BMPR1B: variants seen among roughly 807,000 people sequenced by gnomAD.
BMPR1B encodes bone morphogenetic protein receptor type-1B.
A neutral mutation model predicts 59.1 loss-of-function variants in BMPR1B; 12 were observed. That is an observed-to-expected ratio of 0.20 (90% CI 0.13 to 0.33). The LOEUF (loss-of-function observed/expected upper bound fraction) is 0.33, where lower values mean the gene tolerates loss of function less well. BMPR1B is among the 10% of genes least tolerant of loss of function. BMPR1B has a pLI of 1.00. For missense variants in BMPR1B, 550 were observed against 610.9 expected (o/e 0.90, Z 1.05); for synonymous variants, 237 against 207.3 (o/e 1.14, Z -1.23).
intron 2 of BMPR1B, among the ~76,000 whole-genome samples, chr4:94,908,061 T>TA (rs571793477): frequency 0.011 from 529 of 46,196 alleles, 20 homozygotes; most frequent in East Asian, 0.048. Context: ...ACCCTGTCTT[T>TA]AAAAAAAAAA....
At chr4:94,953,688 A>AT in intron 2 of BMPR1B, among the ~76,000 whole-genome samples, 1 of 150,878 alleles carries the variant, frequency 6.6e-6, no homozygotes, top group East Asian at 2.0e-4. Flanking sequence ...TGCCTTTAAC[A>AT]TTTTTTCCTT....
chr4:95,142,832 A>G (rs1734346296), intron 10 of BMPR1B, among the ~76,000 whole-genome samples: 1 of 148,140 alleles, frequency 6.8e-6, no homozygotes, highest in Non-Finnish European at 1.5e-5. Flanking sequence ...TTTTTTTAAC[A>G]TAACACTTTT....
At chr4:94,914,119 A>G (rs1331030876) in intron 2 of BMPR1B, among the ~76,000 whole-genome samples, 1 of 152,092 alleles carries the variant, frequency 6.6e-6, no homozygotes, top group African/African-American at 2.4e-5. Flanking sequence ...CTTAAGTTTG[A>G]GTGGTAGAGA....
chr4:94,939,620 G>A (rs977213399), intron 2 of BMPR1B, among the ~76,000 whole-genome samples: 11 of 152,190 alleles, frequency 7.2e-5, no homozygotes, highest in African/African-American at 2.7e-4. Flanking sequence ...ATGTGTTACT[G>A]TAGCTTTCTT....
chr4:95,010,957 G>T (rs1219554860), intron 3 of BMPR1B, among the ~76,000 whole-genome samples: 2 of 152,172 alleles, frequency 1.3e-5, no homozygotes, highest in Non-Finnish European at 2.9e-5. Context: ...TGGAAGTAAA[G>T]AAACTGTAAA....
At chr4:94,900,909 T>C (rs1415418079) in intron 2 of BMPR1B, among the ~76,000 whole-genome samples, 1 of 151,846 alleles carries the variant, frequency 6.6e-6, no homozygotes, top group African/African-American at 2.4e-5. Flanking sequence ...AAGCACCAAA[T>C]AAAGTTGCCC....
intron 2 of BMPR1B, among the ~76,000 whole-genome samples, chr4:94,885,866 A>G (rs1038356404): frequency 1.3e-5 from 2 of 152,208 alleles, no homozygotes; most frequent in East Asian, 1.9e-4. Flanking sequence ...TGGTCACACA[A>G]TCCTGGAAAT....
chr4:94,825,380 C>T (rs1724347547), intron 1 of BMPR1B, among the ~76,000 whole-genome samples: 1 of 152,060 alleles, frequency 6.6e-6, no homozygotes, highest in African/African-American at 2.4e-5. Flanking sequence ...TGGCATATAC[C>T]TGTAGTCCCA....
At chr4:94,821,982 T>C (rs1475407782) in intron 1 of BMPR1B, among the ~76,000 whole-genome samples, 2 of 152,210 alleles carry the variant, frequency 1.3e-5, no homozygotes, top group African/African-American at 4.8e-5. Flanking sequence ...TGATTGTTTA[T>C]AGTCTTAGTC....
chr4:94,864,575 G>C (rs1204747812), intron 1 of BMPR1B, among the ~76,000 whole-genome samples: 1 of 152,086 alleles, frequency 6.6e-6, no homozygotes, highest in Non-Finnish European at 1.5e-5. Context: ...TAAGGGCCAA[G>C]TACTTATTAA....
intron 1 of BMPR1B, among the ~76,000 whole-genome samples, chr4:94,841,423 GC>G (rs1392825478): frequency 6.6e-6 from 1 of 151,920 alleles, no homozygotes; most frequent in Admixed American, 6.6e-5. Context: ...GACTCCATGG[GC>G]GTAGGACCCT....
intron 1 of BMPR1B, among the ~76,000 whole-genome samples, chr4:94,796,588 G>A (rs1292282647): frequency 2.0e-5 from 3 of 152,028 alleles, no homozygotes; most frequent in African/African-American, 4.8e-5. Flanking sequence ...TGAATGAATG[G>A]AATAAGAGAA....
chr4:94,863,689 G>C (rs1056535273), intron 1 of BMPR1B, among the ~76,000 whole-genome samples: 3 of 152,094 alleles, frequency 2.0e-5, no homozygotes, highest in Non-Finnish European at 4.4e-5. Flanking sequence ...AGTTCTAGGC[G>C]GCAATGTGGC....
intron 3 of BMPR1B, chr4:95,103,473 A>G (rs1038640470): frequency 5.1e-6 from 5 of 985,242 alleles, no homozygotes; most frequent in Non-Finnish European, 4.8e-6. Context: ...ATGCAGTTAC[A>G]TGGCATGTAT....
intron 2 of BMPR1B, among the ~76,000 whole-genome samples, chr4:94,953,810 T>C (rs1730042207): frequency 6.6e-6 from 1 of 152,224 alleles, no homozygotes; most frequent in Non-Finnish European, 1.5e-5. Context: ...CCTGTCTTGC[T>C]AGGTTGGGGA....
intron 2 of BMPR1B, among the ~76,000 whole-genome samples, chr4:94,920,084 A>G (rs774888772): frequency 1.3e-5 from 2 of 152,160 alleles, no homozygotes; most frequent in Non-Finnish European, 2.9e-5. Flanking sequence ...TTCTTCAAAC[A>G]GTGCTTTATA....
chr4:95,154,426 A>C, intron 12 of BMPR1B, 122 bp from the exon 13 acceptor site: 1 of 1,371,360 alleles, frequency 7.3e-7, no homozygotes, highest in Non-Finnish European at 1.0e-6. Context: ...TTACTTCTAC[A>C]TGGTTTTAAG....
intron 1 of BMPR1B, among the ~76,000 whole-genome samples, chr4:94,864,867 G>A (rs1560521977): frequency 6.6e-6 from 1 of 152,118 alleles, no homozygotes; most frequent in Non-Finnish European, 1.5e-5. Context: ...GTTACAGAGG[G>A]CTAACAGTAT....
intron 4 of BMPR1B, among the ~76,000 whole-genome samples, chr4:95,111,177 T>C (rs1361903940): frequency 6.6e-6 from 1 of 152,136 alleles, no homozygotes; most frequent in Non-Finnish European, 1.5e-5. Flanking sequence ...CATATAAATA[T>C]AATGCTTTCA....
Sources: gnomAD v4.1 joint callset for allele counts (sites outside exome capture counted in the v4.1 genomes callset) on GRCh38, gnomAD v4.1.1 for gene constraint, MANE v1.5 for transcripts, NCBI Gene and HGNC (gene_info 2026-07-23, HGNC 2026-07-21) for gene names.